PDE1A: variants seen among roughly 807,000 people sequenced by gnomAD.
The protein encoded by PDE1A is dual specificity calcium/calmodulin-dependent 3',5'-cyclic nucleotide phosphodiesterase 1A.
In PDE1A, 35 loss-of-function variants were observed where a neutral mutation model predicts 61.7. That is an observed-to-expected ratio of 0.57 (90% CI 0.43 to 0.75). The LOEUF (loss-of-function observed/expected upper bound fraction) is 0.75. Ranked by LOEUF, PDE1A falls within the 30% of genes least tolerant of loss-of-function variation. The probability of loss-of-function intolerance (pLI) is 0.00; values close to 1 mark genes in which losing one functional copy is unlikely to be tolerated. For missense variants in PDE1A, 597 were observed against 630.6 expected (o/e 0.95, Z 0.57); for synonymous variants, 232 against 213.2 (o/e 1.09, Z -0.77).
the PDE1A span, among the ~76,000 whole-genome samples, chr2:182,561,647 A>T: frequency 2.0e-5 from 3 of 152,194 alleles, no homozygotes; most frequent in South Asian, 2.1e-4. Context: ...TACCTTGGGC[A>T]GTATGGCCAT....
At chr2:182,664,838 A>G in the PDE1A span, among the ~76,000 whole-genome samples, 1 of 152,236 alleles carries the variant, frequency 6.6e-6, no homozygotes, top group Non-Finnish European at 1.5e-5. Context: ...CTGTTTTGAA[A>G]TTATTCTAAA....
intron 1 of PDE1A, among the ~76,000 whole-genome samples, chr2:182,290,267 T>C (rs946868488): frequency 6.6e-6 from 1 of 152,120 alleles, no homozygotes; most frequent in Non-Finnish European, 1.5e-5. Context: ...ATATTGAGTA[T>C]GCATGTATTA....
intron 13 of PDE1A, among the ~76,000 whole-genome samples, chr2:182,171,371 T>A (rs1252374223): frequency 6.6e-6 from 1 of 152,044 alleles, no homozygotes; most frequent in Non-Finnish European, 1.5e-5. Flanking sequence ...GATTTTTGTT[T>A]GAAGAACTAT....
At chr2:182,196,596 C>A (rs754656546) in intron 10 of PDE1A, among the ~76,000 whole-genome samples, 18 of 151,838 alleles carry the variant, frequency 1.2e-4, no homozygotes, top group Non-Finnish European at 2.5e-4. Flanking sequence ...TCCATTACCC[C>A]CAGAAAGTTG....
rs560363278 is a variant in PDE1A, at chr2:182,240,107, T to G, written c.350+3A>C. On this transcript the variant is annotated splice_donor_region_variant and intron_variant, in intron 3 of 13. Transcript: ENST00000351439. ...GTCTTGAGATACCAACAATTTCACTTACCTTTCCACAAAAATTCCAGCTTG... is the reference window on the plus strand; with the variant it reads ...GTCTTGAGATACCAACAATTTCACTGACCTTTCCACAAAAATTCCAGCTTG... The G allele has an allele frequency of 1.2e-6, 2 of 1,611,886 alleles. No individual in the cohort carries two copies. The highest frequency in any genetic ancestry group is 1.7e-5 in the Admixed American group (1 of 59,600).
intron 10 of PDE1A, 116 bp downstream of exon 10, chr2:182,201,323 A>G: frequency 7.9e-7 from 1 of 1,266,594 alleles, no homozygotes; most frequent in Admixed American, 2.3e-5. Flanking sequence ...AAGAATGTGT[A>G]GGTGGCCAGT....
intron 1 of PDE1A, among the ~76,000 whole-genome samples, chr2:182,345,491 A>G (rs181447285): frequency 2.0e-5 from 3 of 152,068 alleles, no homozygotes; most frequent in Non-Finnish European, 2.9e-5. Context: ...ATGTTTCCCT[A>G]TCTCACTCAA....
At chr2:182,569,280 T>TATATATATATATATATATATTTA in the PDE1A span, among the ~76,000 whole-genome samples, 1 of 150,078 alleles carries the variant, frequency 6.7e-6, no homozygotes, top group African/African-American at 2.5e-5. Context: ...TATATATGTA[T>TATATATATATATATATATATTTA]TTCCTGTTGT....
chr2:182,615,139 A>T, the PDE1A span, among the ~76,000 whole-genome samples: 1 of 152,198 alleles, frequency 6.6e-6, no homozygotes, highest in Non-Finnish European at 1.5e-5. Context: ...AGATGATTTG[A>T]GAATGTGTGA....
At chr2:182,253,498 T>A (rs1397308976) in intron 2 of PDE1A, among the ~76,000 whole-genome samples, 1 of 152,158 alleles carries the variant, frequency 6.6e-6, no homozygotes, top group Non-Finnish European at 1.5e-5. Context: ...CCCAGAAGCA[T>A]GACACCCTTC....
At chr2:182,292,378 C>A (rs532540339) in intron 1 of PDE1A, among the ~76,000 whole-genome samples, 1 of 152,056 alleles carries the variant, frequency 6.6e-6, no homozygotes, top group Admixed American at 6.5e-5. Context: ...AAAAAATTAT[C>A]TTACTAGTTT....
intron 1 of PDE1A, among the ~76,000 whole-genome samples, chr2:182,378,081 C>T (rs1700516972): frequency 6.6e-6 from 1 of 152,052 alleles, no homozygotes; most frequent in African/African-American, 2.4e-5. Flanking sequence ...CTCCTGACCT[C>T]GTGATCCACC....
At chr2:182,194,088 T>C (rs1313966192) in intron 10 of PDE1A, among the ~76,000 whole-genome samples, 1 of 152,176 alleles carries the variant, frequency 6.6e-6, no homozygotes, top group Non-Finnish European at 1.5e-5. Flanking sequence ...ATAACTTGCA[T>C]TTCTAATTAT....
chr2:182,147,658 T>A (rs1165089376), intron 13 of PDE1A, among the ~76,000 whole-genome samples: 1 of 152,134 alleles, frequency 6.6e-6, no homozygotes, highest in Non-Finnish European at 1.5e-5. Flanking sequence ...AAATAAAATA[T>A]TAGCATGGAA....
At chr2:182,456,146 G>A (rs1685904944) in intron 2 of PDE1A, among the ~76,000 whole-genome samples, 1 of 151,946 alleles carries the variant, frequency 6.6e-6, no homozygotes. Context: ...GCTCTAATCG[G>A]GTTCTCTAAC....
chr2:182,273,076 C>A (rs1442162346), intron 1 of PDE1A, among the ~76,000 whole-genome samples: 1 of 151,960 alleles, frequency 6.6e-6, no homozygotes, highest in African/African-American at 2.4e-5. Flanking sequence ...AAGAATACAG[C>A]ATTTTATTTG....
intron 1 of PDE1A, among the ~76,000 whole-genome samples, chr2:182,341,005 T>C (rs1263798497): frequency 6.6e-6 from 1 of 152,206 alleles, no homozygotes. Context: ...TTCGAAAGTG[T>C]AAACTGTTTT....
intron 13 of PDE1A, among the ~76,000 whole-genome samples, chr2:182,159,969 T>C (rs529869717): frequency 9.2e-5 from 14 of 152,236 alleles, no homozygotes; most frequent in Admixed American, 3.3e-4. Context: ...AAAAAAAGAA[T>C]TATTGTAGAA....
chr2:182,453,217 G>T (rs990755995), intron 2 of PDE1A, among the ~76,000 whole-genome samples: 1 of 151,982 alleles, frequency 6.6e-6, no homozygotes, highest in East Asian at 1.9e-4. Context: ...CCTCATTAGG[G>T]TAATTCCTTT....
Sources: allele counts gnomAD v4.1 joint callset (sites outside exome capture counted in the v4.1 genomes callset), GRCh38; gene constraint gnomAD v4.1.1; transcripts MANE v1.5; gene names NCBI Gene and HGNC (gene_info 2026-07-23, HGNC 2026-07-21).